APOO: variants seen among roughly 807,000 people sequenced by gnomAD.
The protein encoded by APOO is MICOS complex subunit MIC26.
In APOO, 11 loss-of-function variants were observed where a neutral mutation model predicts 23.1. The ratio of observed to expected loss-of-function variants is 0.48; its 90% confidence interval spans 0.30 to 0.79. APOO has a LOEUF of 0.79. Ranked by LOEUF, APOO falls within the 30% of genes least tolerant of loss-of-function variation. APOO has a pLI of 0.07. For missense variants in APOO, 160 were observed against 142.7 expected (o/e 1.12, Z -0.62); for synonymous variants, 59 against 54.8 (o/e 1.08, Z -0.34).
At chrX:23,860,957 T>C (rs1452678800) in intron 5 of APOO, among the ~76,000 whole-genome samples, 1 of 109,928 alleles carries the variant, frequency 9.1e-6, no homozygotes, top group Non-Finnish European at 1.9e-5. Context: ...CTGGGCAACT[T>C]AGGGAGACCA....
At chrX:23,873,062 A>C (rs1421790079) in intron 4 of APOO, among the ~76,000 whole-genome samples, 1 of 110,580 alleles carries the variant, frequency 9.0e-6, no homozygotes, top group African/African-American at 3.3e-5. Flanking sequence ...AAAAAATAAA[A>C]AATAAATAAA....
intron 6 of APOO, among the ~76,000 whole-genome samples, chrX:23,857,074 C>CGA (rs1434440823): frequency 2.7e-5 from 3 of 110,151 alleles, no homozygotes; most frequent in Non-Finnish European, 5.7e-5. Context: ...GAACAGAGAC[C>CGA]GAGGCCTACT....
At chrX:23,904,682 AT>A (rs1251552192) in intron 1 of APOO, among the ~76,000 whole-genome samples, 1 of 108,927 alleles carries the variant, frequency 9.2e-6, no homozygotes, top group Non-Finnish European at 1.9e-5. Flanking sequence ...AATTTTTTGT[AT>A]TTTTAGTAGA....
chrX:23,883,691 C>G (rs1396289557), intron 1 of APOO: 2 of 111,978 alleles, frequency 1.8e-5, no homozygotes, highest in Non-Finnish European at 3.8e-5. Context: ...CACAAGCTGC[C>G]TACTGACAGC....
At chrX:23,861,846 C>G (rs1324326308) in intron 5 of APOO, among the ~76,000 whole-genome samples, 2 of 94,898 alleles carry the variant, frequency 2.1e-5, no homozygotes, top group Non-Finnish European at 4.1e-5. Flanking sequence ...CTCTGTTGCT[C>G]AGGTTGGAGT....
chrX:23,850,785 C>A (rs956640521), intron 7 of APOO, among the ~76,000 whole-genome samples: 6 of 111,633 alleles, frequency 5.4e-5, no homozygotes, highest in Non-Finnish European at 1.1e-4. Flanking sequence ...CATGACTGCA[C>A]CACTACACTC....
At chrX:23,907,404 A>T (rs1486546329) in intron 1 of APOO, among the ~76,000 whole-genome samples, 1 of 112,213 alleles carries the variant, frequency 8.9e-6, no homozygotes, top group Non-Finnish European at 1.9e-5. Context: ...AGCCGAGGGG[A>T]TGGGTACTTT....
intron 1 of APOO, among the ~76,000 whole-genome samples, chrX:23,905,406 T>TAAC (rs1004860548): frequency 2.7e-5 from 3 of 109,100 alleles, no homozygotes; most frequent in Non-Finnish European, 5.7e-5. Flanking sequence ...ATAATAATGA[T>TAAC]AACAATAATA....
chrX:23,867,794 G>A (rs1050415862), intron 5 of APOO, among the ~76,000 whole-genome samples: 8 of 110,881 alleles, frequency 7.2e-5, no homozygotes, highest in African/African-American at 2.3e-4. Flanking sequence ...CACCTGCCTC[G>A]GCCTCCCAAA....
chrX:23,848,116 G>A (rs960723100), intron 7 of APOO, among the ~76,000 whole-genome samples: 5 of 105,894 alleles, frequency 4.7e-5, no homozygotes, highest in Admixed American at 1.0e-4. Context: ...CTCGTGATCC[G>A]CCCACTTCAG....
At chrX:23,868,735 AAAAAC>A (rs749323940) in intron 4 of APOO, 47 bp from the exon 5 acceptor site, 61 of 1,059,046 alleles carry the variant, frequency 5.8e-5, no homozygotes, top group Non-Finnish European at 7.0e-5. Flanking sequence ...TTTCTCATTA[AAAAAC>A]AAAACAAAAG....
chrX:23,836,596 A>T (rs889611098), intron 8 of APOO: 3 of 626,347 alleles, frequency 4.8e-6, no homozygotes, highest in African/African-American at 4.7e-5. Flanking sequence ...CACAGGCGTG[A>T]GCCACCACGC....
At chrX:23,853,120 T>C (rs905141219) in intron 7 of APOO, among the ~76,000 whole-genome samples, 1 of 110,663 alleles carries the variant, frequency 9.0e-6, no homozygotes, top group African/African-American at 3.3e-5. Context: ...TAGCTGGGTG[T>C]TGTGGTGTGC....
Position 23,870,606 on chromosome X carries a change from C to T in APOO, c.293-1918G>A, listed in dbSNP as rs761134439. On this transcript the variant is annotated intron_variant, in intron 4 of 8. Transcript: ENST00000379226. Reference sequence around the variant, plus strand: ...TTCAAGAACAGCCTGGGCAACATGGCGAAACCCTGTCTCTACAAAAAATTA... The same window carrying T: ...TTCAAGAACAGCCTGGGCAACATGGTGAAACCCTGTCTCTACAAAAAATTA... Among the ~76,000 whole-genome samples the T allele has an allele frequency of 5.9e-5, 6 of 102,323 alleles. No individual in the cohort carries two copies. The South Asian group carries it at 2.2e-3, about 38-fold the overall frequency. 88.9% of individuals were successfully genotyped at this position (102,323 alleles called of 115,157 possible). A position where few individuals can be genotyped will look rare whatever the true frequency, so the allele number is the denominator to read the frequency against.
At chrX:23,835,994 G>C (rs1308473426) in intron 8 of APOO, among the ~76,000 whole-genome samples, 2 of 112,663 alleles carry the variant, frequency 1.8e-5, no homozygotes, top group East Asian at 2.8e-4. Flanking sequence ...AGTTCTAAGA[G>C]ACCTATCAGT....
chrX:23,900,017 ACTT>A (rs1458750276), intron 1 of APOO, among the ~76,000 whole-genome samples: 1 of 112,256 alleles, frequency 8.9e-6, no homozygotes, highest in East Asian at 2.8e-4. Context: ...GTATCGTTTT[ACTT>A]CTTCTTTCTC....
chrX:23,900,859 T>C (rs1280768909), intron 1 of APOO, among the ~76,000 whole-genome samples: 4 of 110,682 alleles, frequency 3.6e-5, no homozygotes, highest in Admixed American at 9.7e-5. Flanking sequence ...ATTCTGCACA[T>C]AAAAAATGTA....
chrX:23,841,909 C>T (rs1569225797), intron 7 of APOO, among the ~76,000 whole-genome samples: 1 of 111,356 alleles, frequency 9.0e-6, no homozygotes, highest in East Asian at 2.8e-4. Context: ...TCCTTTACAT[C>T]AAGGCTTTCT....
intron 7 of APOO, among the ~76,000 whole-genome samples, chrX:23,843,579 CTTTTTTTTTTT>C (rs747271141): frequency 8.1e-5 from 5 of 61,739 alleles, no homozygotes; most frequent in East Asian, 1.2e-3. Flanking sequence ...ATGACAATTT[CTTTTTTTTTTT>C]TTTTTTTTTT....
Sources: gnomAD v4.1 joint callset for allele counts (sites outside exome capture counted in the v4.1 genomes callset) on GRCh38, gnomAD v4.1.1 for gene constraint, MANE v1.5 for transcripts, NCBI Gene and HGNC (gene_info 2026-07-23, HGNC 2026-07-21) for gene names.